PRKG1: variants seen among roughly 807,000 people sequenced by gnomAD.
PRKG1 encodes cGMP-dependent protein kinase 1.
A neutral mutation model predicts 88.1 loss-of-function variants in PRKG1; 35 were observed. The observed-to-expected ratio is 0.40, with a 90% CI of 0.30 to 0.53. The LOEUF is 0.53. Among genes scored for constraint, PRKG1 ranks in the 20% least tolerant of loss-of-function variants. The probability of loss-of-function intolerance (pLI) is 0.59; values close to 1 mark genes in which losing one functional copy is unlikely to be tolerated. For missense variants in PRKG1, 540 were observed against 839.8 expected, an observed-to-expected ratio of 0.64 and a Z score of 4.41; for synonymous variants, 303 against 292.5, an observed-to-expected ratio of 1.04 and a Z score of -0.37.
chr10:52,002,709 A>G lies in PRKG1; in HGVS notation c.763-51775A>G, dbSNP rs79226535. On this transcript the variant is annotated intron_variant, in intron 5 of 17. Coordinates refer to ENST00000373980, the MANE Select transcript of PRKG1 (RefSeq NM_006258.4). ...AGAACTAGGGAAGATGTAAAAGATGAGTTTATAATACATCAAGATATAAAT... is the reference window on the plus strand; with the variant it reads ...AGAACTAGGGAAGATGTAAAAGATGGGTTTATAATACATCAAGATATAAAT... 3.9e-3 allele frequency among the ~76,000 whole-genome samples: 587 copies of G among 152,256 alleles called. 5 individuals carry two copies. Among genetic ancestry groups the G allele is most frequent in the African/African-American group, 0.013 (559 of 41,556 alleles).
chr10:51,482,638 T>C (rs1404606105), intron 3 of PRKG1, among the ~76,000 whole-genome samples: 1 of 152,184 alleles, frequency 6.6e-6, no homozygotes, highest in African/African-American at 2.4e-5. Flanking sequence ...TCTGTTTATA[T>C]TGCTCACCTT....
At chr10:52,246,666 C>T (rs1036325146) in intron 9 of PRKG1, among the ~76,000 whole-genome samples, 20 of 152,062 alleles carry the variant, frequency 1.3e-4, no homozygotes, top group Non-Finnish European at 2.1e-4. Flanking sequence ...CACCTGAGGT[C>T]GGGAGTTCAA....
intron 3 of PRKG1, among the ~76,000 whole-genome samples, chr10:51,720,850 C>A (rs376191830): frequency 2.6e-4 from 40 of 152,044 alleles, no homozygotes; most frequent in African/African-American, 8.2e-4. Context: ...CTCGTGGATA[C>A]AAATGGTGTT....
chr10:52,255,013 CT>C (rs1841275162), intron 10 of PRKG1, among the ~76,000 whole-genome samples: 1 of 152,070 alleles, frequency 6.6e-6, no homozygotes, highest in East Asian at 1.9e-4. Flanking sequence ...TTTCTGTTTT[CT>C]GGCATGTGCC....
chr10:51,401,305 T>G (rs192705298), intron 2 of PRKG1, among the ~76,000 whole-genome samples: 6 of 152,334 alleles, frequency 3.9e-5, no homozygotes, highest in Non-Finnish European at 5.9e-5. Flanking sequence ...TGATGCTGAA[T>G]AGACACACGT....
chr10:51,284,180 C>G (rs966653477), intron 2 of PRKG1, among the ~76,000 whole-genome samples: 8 of 152,030 alleles, frequency 5.3e-5, no homozygotes, highest in African/African-American at 1.7e-4. Context: ...AAAATAAAAT[C>G]CGGTGAAAAG....
intron 1 of PRKG1, among the ~76,000 whole-genome samples, chr10:51,091,144 C>T (rs1844388476): frequency 6.6e-6 from 1 of 151,932 alleles, no homozygotes; most frequent in South Asian, 2.1e-4. Context: ...TAATGGAATG[C>T]TTTAGAATAA....
At chr10:51,923,146 G>A (rs1842497395) in intron 5 of PRKG1, among the ~76,000 whole-genome samples, 1 of 151,878 alleles carries the variant, frequency 6.6e-6, no homozygotes, top group South Asian at 2.1e-4. Flanking sequence ...ATTATGTAAT[G>A]CCCCTCTTTA....
chr10:51,796,929 A>G (rs1329707426), intron 3 of PRKG1, among the ~76,000 whole-genome samples: 2 of 151,714 alleles, frequency 1.3e-5, no homozygotes, highest in Non-Finnish European at 2.9e-5. Flanking sequence ...TCTCTGGAGA[A>G]TCTTGACTAA....
At chr10:51,195,745 G>T (rs752472556) in intron 2 of PRKG1, among the ~76,000 whole-genome samples, 6 of 152,070 alleles carry the variant, frequency 3.9e-5, no homozygotes, top group Non-Finnish European at 7.4e-5. Flanking sequence ...TTAGAAAATT[G>T]TCATAAGTCT....
intron 5 of PRKG1, among the ~76,000 whole-genome samples, chr10:52,016,775 A>G (rs1379751504): frequency 1.3e-5 from 2 of 152,244 alleles, no homozygotes; most frequent in Admixed American, 6.5e-5. Flanking sequence ...GGAAAGAGAT[A>G]GAAAATAAGC....
intron 2 of PRKG1, among the ~76,000 whole-genome samples, chr10:51,193,606 A>G (rs1041837450): frequency 3.9e-5 from 6 of 152,066 alleles, no homozygotes; most frequent in African/African-American, 1.4e-4. Context: ...GTTTGTTTGT[A>G]AATTAATATA....
At chr10:51,103,348 TG>T (rs1351928142) in intron 1 of PRKG1, among the ~76,000 whole-genome samples, 2 of 152,166 alleles carry the variant, frequency 1.3e-5, no homozygotes, top group East Asian at 3.8e-4. Context: ...TTTAGAATAC[TG>T]GGCAAGCTTC....
intron 1 of PRKG1, among the ~76,000 whole-genome samples, chr10:51,076,297 A>G (rs920672245): frequency 1.3e-5 from 2 of 152,134 alleles, no homozygotes; most frequent in Non-Finnish European, 2.9e-5. Context: ...GACCTTACCA[A>G]ATTGCCCTAA....
chr10:51,073,298 C>T (rs1843862326), upstream of PRKG1, among the ~76,000 whole-genome samples: 1 of 152,154 alleles, frequency 6.6e-6, no homozygotes, highest in South Asian at 2.1e-4. Context: ...CTGCAGCCTG[C>T]GTGGTCTCCC....
chr10:51,734,908 A>C (rs537583940), intron 3 of PRKG1, among the ~76,000 whole-genome samples: 2 of 152,340 alleles, frequency 1.3e-5, no homozygotes, highest in South Asian at 4.1e-4. Flanking sequence ...ATAAGGTCCC[A>C]TCTATAGTGT....
chr10:51,300,166 G>A (rs1190135238), intron 2 of PRKG1, among the ~76,000 whole-genome samples: 2 of 152,202 alleles, frequency 1.3e-5, no homozygotes, highest in Non-Finnish European at 2.9e-5. Context: ...ACCTTATAGA[G>A]GATCATGGCT....
At chr10:51,875,102 A>G (rs1841260310) in intron 4 of PRKG1, among the ~76,000 whole-genome samples, 1 of 152,166 alleles carries the variant, frequency 6.6e-6, no homozygotes, top group East Asian at 1.9e-4. Context: ...GAAGAAAACA[A>G]CATAAAGTAG....
intron 5 of PRKG1, among the ~76,000 whole-genome samples, chr10:52,038,724 C>T (rs966466392): frequency 4.6e-5 from 7 of 152,028 alleles, no homozygotes; most frequent in Admixed American, 1.3e-4. Context: ...ACCTTTGAAA[C>T]GTGGGTGAAT....
Sources: allele counts gnomAD v4.1 joint callset (sites outside exome capture counted in the v4.1 genomes callset), GRCh38; gene constraint gnomAD v4.1.1; transcripts MANE v1.5; gene names NCBI Gene and HGNC (gene_info 2026-07-23, HGNC 2026-07-21).